Variants in NDRG3 observed in about 807,000 individuals in gnomAD.
The protein encoded by NDRG3 is NDRG family member 3.
In NDRG3, 23 loss-of-function variants were observed where a neutral mutation model predicts 57.2. The observed-to-expected ratio is 0.40, with a 90% CI of 0.29 to 0.57. NDRG3 has a LOEUF of 0.57. Among genes scored for constraint, NDRG3 ranks in the 20% least tolerant of loss-of-function variants. The pLI is 0.42. For synonymous variants in NDRG3, 132 were observed against 162.6 expected, an observed-to-expected ratio of 0.81 and a Z score of 1.43; for missense variants, 384 against 457.3, an observed-to-expected ratio of 0.84 and a Z score of 1.46.
chr20:36,715,000 GTGTGTGTATATATATATATATATA>G (rs1172905477), intron 2 of NDRG3, among the ~76,000 whole-genome samples: 960 of 56,570 alleles, frequency 0.017, 60 homozygotes, highest in East Asian at 0.062. Context: ...GTGTGTGTGT[GTGTGTGTATATATATATATATATA>G]TATATATATA....
intron 3 of NDRG3, among the ~76,000 whole-genome samples, chr20:36,693,137 TATATAC>T (rs1389483147): frequency 0.052 from 3,053 of 59,166 alleles, 329 homozygotes; most frequent in East Asian, 0.076. Flanking sequence ...TATATATATA[TATATAC>T]ACACACACAC....
At chr20:36,682,727 A>C in intron 6 of NDRG3, 149 bp from the exon 7 acceptor site, 1 of 658,888 alleles carries the variant, frequency 1.5e-6, no homozygotes, top group South Asian at 1.9e-5. Context: ...TCTTTCCCCT[A>C]ACTTTCTGAG....
At chr20:36,701,784 G>A (rs1349840226) in intron 3 of NDRG3, among the ~76,000 whole-genome samples, 1 of 150,870 alleles carries the variant, frequency 6.6e-6, no homozygotes, top group East Asian at 2.0e-4. Context: ...CTGACCTCAG[G>A]TGATCCACCT....
chr20:36,726,608 G>A (rs1000182212), intron 1 of NDRG3, among the ~76,000 whole-genome samples: 22 of 152,276 alleles, frequency 1.4e-4, no homozygotes, highest in African/African-American at 2.2e-4. Flanking sequence ...CTGCAGTTCC[G>A]GCATCTGTAC....
intron 2 of NDRG3, among the ~76,000 whole-genome samples, chr20:36,707,354 G>C (rs1443453940): frequency 6.6e-6 from 1 of 152,176 alleles, no homozygotes; most frequent in African/African-American, 2.4e-5. Context: ...AGCACACCTT[G>C]AACACACAAG....
intron 8 of NDRG3, 51 bp downstream of exon 8, chr20:36,680,765 G>T: frequency 1.4e-6 from 2 of 1,475,508 alleles, no homozygotes; most frequent in Non-Finnish European, 1.9e-6. Context: ...CTGGTAAGCT[G>T]TTTTGAGATG....
At chr20:36,656,252 G>C in intron 15 of NDRG3, 108 bp downstream of exon 15, 1 of 1,050,592 alleles carries the variant, frequency 9.5e-7, no homozygotes, top group Non-Finnish European at 1.4e-6. Context: ...CTTTGCTTAA[G>C]GCTAGCTGCC....
intron 3 of NDRG3, among the ~76,000 whole-genome samples, chr20:36,701,729 A>G: frequency 6.6e-6 from 1 of 151,580 alleles, no homozygotes; most frequent in Admixed American, 6.6e-5. Context: ...GTATTTTTTA[A>G]TAGAGACAGG....
At chr20:36,685,379 T>C (rs1449205060) in intron 5 of NDRG3, among the ~76,000 whole-genome samples, 1 of 152,062 alleles carries the variant, frequency 6.6e-6, no homozygotes, top group Non-Finnish European at 1.5e-5. Flanking sequence ...AGTGAAATCA[T>C]AGCTCACTGT....
In NDRG3 at chr20:36,665,114, A is replaced by G. The variant is rs1347923779; in HGVS notation, c.759-17T>C. 3 of 1,613,840 alleles carry G rather than the reference A, an allele frequency of 1.9e-6. No individual in the cohort carries two copies. Among genetic ancestry groups the G allele is most frequent in the Admixed American group, 1.7e-5 (1 of 59,994 alleles). On this transcript the variant is annotated splice_polypyrimidine_tract_variant and intron_variant, in intron 11 of 15. Coordinates refer to ENST00000349004, the MANE Select transcript of NDRG3 (RefSeq NM_032013.4). ...GTAGAACACCTAGGTAGGCAAAGTA[A>G]GAGGTGTCACTCAGCAAATAGGCAC...
chr20:36,685,126 C>T (rs891263558), intron 5 of NDRG3, among the ~76,000 whole-genome samples: 4 of 151,982 alleles, frequency 2.6e-5, no homozygotes, highest in African/African-American at 4.8e-5. Flanking sequence ...AGTAAACCTC[C>T]GGCAGTAAGA....
At chr20:36,698,421 C>T (rs1982983457) in intron 3 of NDRG3, among the ~76,000 whole-genome samples, 1 of 151,982 alleles carries the variant, frequency 6.6e-6, no homozygotes, top group Non-Finnish European at 1.5e-5. Context: ...GAGACCCTGT[C>T]TCTACAAAAA....
At chr20:36,655,501 G>C (rs1978577610) in intron 15 of NDRG3, among the ~76,000 whole-genome samples, 1 of 152,206 alleles carries the variant, frequency 6.6e-6, no homozygotes, top group African/African-American at 2.4e-5. Flanking sequence ...ATATGATATG[G>C]ACACACCCTT....
chr20:36,680,902 G>A lies in NDRG3; in HGVS notation c.445C>T (p.Leu149Phe), dbSNP rs73905368. ...CCTTCCACAAGCTCTGGATGGTTGA[G>A]CTGAAAGATGAGGCAAAGACAATAG... is the stretch of plus-strand genomic sequence containing the variant. ...AGAYILSRFA[L>F]NHPELVEGLV... The change falls in exon 8 of 16, where the codon CTC (leucine) becomes TTC (phenylalanine). Residue 149 changes from leucine (L) to phenylalanine (F), a missense_variant and splice_region_variant. By Grantham distance (22) the Leu-to-Phe change is conservative. Transcript: ENST00000349004. 5 of 1,613,464 alleles carry A rather than the reference G, an allele frequency of 3.1e-6. No individual in the cohort carries two copies. In the African/African-American group the frequency reaches 4.0e-5, roughly 13 times the overall value.
At chr20:36,740,624 G>A (rs1400391134) in intron 1 of NDRG3, among the ~76,000 whole-genome samples, 2 of 152,190 alleles carry the variant, frequency 1.3e-5, no homozygotes, top group African/African-American at 4.8e-5. Flanking sequence ...TTACAGGCGT[G>A]AGCCACCACA....
At chr20:36,683,112 C>T (rs545881496) in intron 6 of NDRG3, among the ~76,000 whole-genome samples, 185 of 152,018 alleles carry the variant, frequency 1.2e-3, no homozygotes, top group Non-Finnish European at 1.9e-3. Context: ...GACATGGTGG[C>T]GGGCACCTGT....
intron 12 of NDRG3, among the ~76,000 whole-genome samples, chr20:36,661,876 A>G (rs1979230257): frequency 6.6e-6 from 1 of 152,244 alleles, no homozygotes; most frequent in Admixed American, 6.5e-5. Context: ...GTAGGCAGGT[A>G]TACAAAACTC....
intron 2 of NDRG3, among the ~76,000 whole-genome samples, chr20:36,712,186 G>C (rs1983926356): frequency 2.0e-5 from 3 of 151,698 alleles, no homozygotes; most frequent in Non-Finnish European, 4.4e-5. Context: ...CTGGAAAATG[G>C]GAATGACTGG....
Position 36,735,394 on chromosome 20 carries a change from T to C in NDRG3, c.-49+10651A>G, listed in dbSNP as rs10470042. On this transcript the variant is annotated intron_variant, in intron 1 of 15. Coordinates refer to ENST00000349004, the MANE Select transcript of NDRG3 (RefSeq NM_032013.4). ...CCAAAATTGGAAAAAATCCAAAACC[T>C]GAAACACTTCTGGTCCCAAGCATTT... 6.9e-3 allele frequency among the ~76,000 whole-genome samples: 1,057 copies of C among 152,272 alleles called. 14 individuals are homozygous for C. The highest frequency in any genetic ancestry group is 0.024 in the African/African-American group (996 of 41,568).
Sources: gnomAD v4.1 joint callset for allele counts (sites outside exome capture counted in the v4.1 genomes callset) on GRCh38, gnomAD v4.1.1 for gene constraint, MANE v1.5 for transcripts, NCBI Gene and HGNC (gene_info 2026-07-23, HGNC 2026-07-21) for gene names.